Variants in CDON observed in about 807,000 individuals in gnomAD.
CDON encodes the protein cell adhesion molecule-related/down-regulated by oncogenes.
A neutral mutation model predicts 120.9 loss-of-function variants in CDON; 73 were observed. The observed-to-expected ratio is 0.60, with a 90% CI of 0.50 to 0.73. CDON has a LOEUF of 0.73. CDON is among the 30% of genes least tolerant of loss of function. The pLI, the probability that CDON is intolerant of heterozygous loss-of-function variation, is 0.00. For synonymous variants in CDON, 566 were observed against 573.5 expected, an observed-to-expected ratio of 0.99 and a Z score of 0.19; for missense variants, 1,470 against 1,587.3, an observed-to-expected ratio of 0.93 and a Z score of 1.26.
chr11:125,978,489 A>G, intron 17 of CDON, 106 bp from the exon 18 acceptor site: 1 of 740,690 alleles, frequency 1.4e-6, no homozygotes, highest in Non-Finnish European at 2.4e-6. Context: ...CATGTCAACC[A>G]TAAATGGGCA....
intron 18 of CDON, among the ~76,000 whole-genome samples, chr11:125,975,155 C>T (rs1946117825): frequency 6.6e-6 from 1 of 152,196 alleles, no homozygotes; most frequent in African/African-American, 2.4e-5. Flanking sequence ...ACGCATATCC[C>T]CTTTTGATTA....
chr11:126,041,198 A>G (rs1948254214), intron 1 of CDON, among the ~76,000 whole-genome samples: 1 of 151,826 alleles, frequency 6.6e-6, no homozygotes, highest in Admixed American at 6.6e-5. Context: ...TAAAAAAAAA[A>G]AAAAAAAAGG....
intron 1 of CDON, among the ~76,000 whole-genome samples, chr11:126,047,180 A>C (rs1025519162): frequency 4.6e-5 from 7 of 152,178 alleles, no homozygotes; most frequent in Admixed American, 3.9e-4. Context: ...TATAAAAATC[A>C]GTGTTATTTA....
chr11:126,020,863 TA>T, intron 3 of CDON, among the ~76,000 whole-genome samples: 1 of 152,068 alleles, frequency 6.6e-6, no homozygotes, highest in Non-Finnish European at 1.5e-5. Context: ...CTCCAGGAAA[TA>T]ACTGTCAGAG....
chr11:125,972,300 C>T (rs528609331), intron 18 of CDON, among the ~76,000 whole-genome samples: 59 of 152,242 alleles, frequency 3.9e-4, no homozygotes, highest in Non-Finnish European at 5.4e-4. Flanking sequence ...TGGTGCCACA[C>T]GCCTGTAATT....
At chr11:125,969,887 T>A (rs1945914798) in intron 18 of CDON, among the ~76,000 whole-genome samples, 1 of 152,246 alleles carries the variant, frequency 6.6e-6, no homozygotes, top group Non-Finnish European at 1.5e-5. Context: ...AGTGTAGGAT[T>A]GTGCTTGGAA....
At chr11:125,987,362 A>G (rs1209637955) in intron 15 of CDON, among the ~76,000 whole-genome samples, 1 of 152,238 alleles carries the variant, frequency 6.6e-6, no homozygotes, top group Non-Finnish European at 1.5e-5. Context: ...GCCAGGCTTC[A>G]GCGCCTCTGT....
At position 126,054,881 on chromosome 11, in the gene CDON, T is replaced by C. The variant is rs1948647568; in HGVS notation, c.-62+7698A>G. 2.0e-5 allele frequency among the ~76,000 whole-genome samples: 3 copies of C among 152,152 alleles called. No homozygotes were observed. The South Asian group carries it at 6.2e-4, about 32-fold the overall frequency. ...GGGGAGACTGACACGTATGCAATTA[T>C]GATACGTATCAGTGCCAGGAGAGAT... On this transcript the variant is annotated intron_variant, in intron 1 of 19. Coordinates refer to ENST00000531738, the MANE Select transcript of CDON (RefSeq NM_001378964.1).
Position 126,010,550 on chromosome 11 carries a change from T to C in CDON, c.1343A>G (p.His448Arg), listed in dbSNP as rs1209875838. Reference sequence around the variant, plus strand: ...TTTCGATCTCAGGACTTGAGATGGATGGCTGGTTATCAATCCATGGCTGTC... The same window carrying C: ...TTTCGATCTCAGGACTTGAGATGGACGGCTGGTTATCAATCCATGGCTGTC... ...WYDSHGLITSHPSQVLRSKSR... is the reference protein window; with the variant it reads ...WYDSHGLITSRPSQVLRSKSR... Residue 448 changes from histidine (H) to arginine (R), a missense_variant, in exon 8 of 20, where the codon CAT (histidine) becomes CGT (arginine). Physicochemically the swap from His to Arg is conservative, Grantham distance 29 (BLOSUM62 0). Transcript: ENST00000531738. 5 of 1,614,104 alleles carry C rather than the reference T, an allele frequency of 3.1e-6. No individual in the cohort carries two copies. The highest frequency in any genetic ancestry group is 1.3e-5 in the African/African-American group (1 of 75,032).
At chr11:125,972,122 T>C (rs1328031109) in intron 18 of CDON, among the ~76,000 whole-genome samples, 1 of 152,172 alleles carries the variant, frequency 6.6e-6, no homozygotes, top group African/African-American at 2.4e-5. Context: ...GCTTTACATA[T>C]TACTCTTAAA....
At chr11:125,961,219 T>C (rs938247582) in intron 19 of CDON, 114 bp from the exon 20 acceptor site, 137 of 938,332 alleles carry the variant, frequency 1.5e-4, no homozygotes, top group Non-Finnish European at 1.7e-4. Context: ...CGAGCATAAA[T>C]AGAACCTGGT....
intron 15 of CDON, among the ~76,000 whole-genome samples, chr11:125,984,546 AATT>A (rs1946408632): frequency 6.6e-6 from 1 of 152,024 alleles, no homozygotes; most frequent in South Asian, 2.1e-4. Context: ...AAAATACAAA[AATT>A]AGCTGGGCGT....
chr11:125,983,855 A>T lies in CDON; in HGVS notation c.2995+17T>A. 1 of 1,575,954 alleles carries T rather than the reference A, an allele frequency of 6.3e-7. No homozygotes were observed. Among genetic ancestry groups the T allele is most frequent in the South Asian group, 1.1e-5 (1 of 90,134 alleles). On this transcript the variant is annotated intron_variant, in intron 16 of 19. Coordinates refer to ENST00000531738, the MANE Select transcript of CDON (RefSeq NM_001378964.1). ...CACCTTTAGAAAAAGAGAAGGAGAT[A>T]TTTATGAGTGACTTACTTTGTATGG... is the stretch of plus-strand genomic sequence containing the variant.
chr11:125,974,596 C>T (rs1946103477), intron 18 of CDON, among the ~76,000 whole-genome samples: 1 of 151,760 alleles, frequency 6.6e-6, no homozygotes, highest in African/African-American at 2.4e-5. Flanking sequence ...CAAATAAATG[C>T]ATCAAATAAT....
intron 9 of CDON, chr11:126,004,416 T>C (rs1947054871): frequency 3.1e-6 from 1 of 317,540 alleles, no homozygotes; most frequent in African/African-American, 2.1e-5. Flanking sequence ...ATAAAATAAG[T>C]ATAAAATAAT....
chr11:126,019,523 A>AGTCCTC, intron 4 of CDON, 96 bp downstream of exon 4: 5 of 1,327,474 alleles, frequency 3.8e-6, no homozygotes, highest in Non-Finnish European at 5.4e-6. Context: ...GCCTTCTTGT[A>AGTCCTC]TCCACAGTTC....
chr11:125,989,589 AG>A (rs776417475), intron 15 of CDON, 47 bp downstream of exon 15: 23 of 1,573,050 alleles, frequency 1.5e-5, no homozygotes, highest in Non-Finnish European at 1.9e-5. Flanking sequence ...GCAGTAATCC[AG>A]GGTTGGAATT....
Position 125,960,925 on chromosome 11 carries a change from T to A in CDON, c.*17A>T, listed in dbSNP as rs767845545. 3.1e-6 allele frequency: 5 copies of A among 1,613,440 alleles called. No homozygotes were observed. The highest frequency in any genetic ancestry group is 4.2e-6 in the Non-Finnish European group (5 of 1,179,816). On this transcript the variant is annotated 3_prime_UTR_variant, in exon 20 of 20. Coordinates refer to ENST00000531738, the MANE Select transcript of CDON (RefSeq NM_001378964.1). ...TACCGGCTTGAAGTTGGAACATGAC[T>A]GGTTGTTTGCATGTCCTCAGGTTTC... is the stretch of plus-strand genomic sequence containing the variant.
chr11:126,061,263 A>C (rs1368179828), intron 1 of CDON, among the ~76,000 whole-genome samples: 2 of 152,206 alleles, frequency 1.3e-5, no homozygotes, highest in African/African-American at 4.8e-5. Context: ...TATAACTTCA[A>C]GTATGAGGCA....
Sources: allele counts gnomAD v4.1 joint callset (sites outside exome capture counted in the v4.1 genomes callset), GRCh38; gene constraint gnomAD v4.1.1; transcripts MANE v1.5; gene names NCBI Gene and HGNC (gene_info 2026-07-23, HGNC 2026-07-21).